The following CLVS1 variants were observed in gnomAD, a reference collection of about 807,000 sequenced individuals.
The protein encoded by CLVS1 is clavesin 1.
CLVS1 carries 10 observed loss-of-function variants against 33.1 expected under a neutral mutation model. The observed-to-expected ratio is 0.30, with a 90% CI of 0.19 to 0.51. The LOEUF (loss-of-function observed/expected upper bound fraction) is 0.51, where lower values mean the gene tolerates loss of function less well. Among genes scored for constraint, CLVS1 ranks in the 20% least tolerant of loss-of-function variants. The probability of loss-of-function intolerance (pLI) is 0.97; values close to 1 mark genes in which losing one functional copy is unlikely to be tolerated. For synonymous variants in CLVS1, 163 were observed against 166.1 expected (o/e 0.98, Z 0.14); for missense variants, 343 against 433.4 (o/e 0.79, Z 1.85).
At chr8:61,325,542 C>G (rs151027186) in intron 2 of CLVS1, among the ~76,000 whole-genome samples, 179 of 152,190 alleles carry the variant, frequency 1.2e-3, no homozygotes, top group African/African-American at 3.6e-3. Context: ...TGCCATGCAC[C>G]ATAAGCCACA....
intron 2 of CLVS1, among the ~76,000 whole-genome samples, chr8:61,252,792 T>G (rs1482806789): frequency 3.9e-5 from 6 of 152,204 alleles, no homozygotes; most frequent in Non-Finnish European, 2.9e-5. Flanking sequence ...CTCCATCCCT[T>G]TATTTTGAGC....
At chr8:61,168,406 T>C (rs1806924846) in intron 2 of CLVS1, among the ~76,000 whole-genome samples, 2 of 152,368 alleles carry the variant, frequency 1.3e-5, no homozygotes, top group East Asian at 1.9e-4. Flanking sequence ...GCTAGACTTA[T>C]GTAAATGGTC....
chr8:61,243,495 A>G lies in CLVS1; in HGVS notation c.-151-56182A>G, dbSNP rs889070005. 1.9e-4 allele frequency among the ~76,000 whole-genome samples: 29 copies of G among 152,084 alleles called. 1 individual carries two copies. The highest frequency in any genetic ancestry group is 7.0e-4 in the African/African-American group (29 of 41,412). Reference sequence around the variant, plus strand: ...CAGCCTGAAATATGCAGGTTTTTCTATTGGGGCTTTAGTTGTCTATCACTG... The same window carrying G: ...CAGCCTGAAATATGCAGGTTTTTCTGTTGGGGCTTTAGTTGTCTATCACTG... On this transcript the variant is annotated intron_variant, in intron 2 of 2. Coordinates refer to the CLVS1 transcript ENST00000522621.
chr8:61,034,890 C>T, the CLVS1 span, among the ~76,000 whole-genome samples: 1 of 152,138 alleles, frequency 6.6e-6, no homozygotes, highest in African/African-American at 2.4e-5. Flanking sequence ...ACAACTTTCC[C>T]GTGTTTCCAG....
chr8:60,967,014 T>A, the CLVS1 span, among the ~76,000 whole-genome samples: 8 of 152,210 alleles, frequency 5.3e-5, no homozygotes, highest in African/African-American at 1.9e-4. Flanking sequence ...AATTCCTATC[T>A]ATGGAAATGG....
chr8:61,287,486 T>C (rs932529298), upstream of CLVS1, among the ~76,000 whole-genome samples: 17 of 152,210 alleles, frequency 1.1e-4, no homozygotes, highest in Non-Finnish European at 2.9e-5. Context: ...CCGATCTTTT[T>C]CTTTTTTATG....
At chr8:61,213,508 G>T (rs140316811) in intron 2 of CLVS1, among the ~76,000 whole-genome samples, 3,836 of 150,462 alleles carry the variant, frequency 0.025, 182 homozygotes, top group African/African-American at 0.09. Context: ...GATTTCATGG[G>T]CATTTATTAG....
At position 61,499,445 on chromosome 8, in the gene CLVS1, C is replaced by A; in HGVS notation, c.978-10C>A. 1.2e-6 allele frequency: 2 copies of A among 1,601,786 alleles called. No homozygotes were observed. Among genetic ancestry groups the A allele is most frequent in the Non-Finnish European group, 8.6e-7 (1 of 1,169,000 alleles). On this transcript the variant is annotated splice_polypyrimidine_tract_variant and intron_variant, in intron 5 of 5. Transcript: ENST00000325897. ...TTGTAATTCTGTCTTTTTCCCTCCCCTCTTGTTAGATCTCAGTCTGTGGTA... is the reference window on the plus strand; with the variant it reads ...TTGTAATTCTGTCTTTTTCCCTCCCATCTTGTTAGATCTCAGTCTGTGGTA...
At chr8:61,107,075 G>C (rs1340984030) in intron 1 of CLVS1, among the ~76,000 whole-genome samples, 1 of 152,162 alleles carries the variant, frequency 6.6e-6, no homozygotes, top group African/African-American at 2.4e-5. Flanking sequence ...GATCCTGATG[G>C]ATTTTAGACA....
At chr8:61,283,594 A>G (rs574370382), upstream of CLVS1, among the ~76,000 whole-genome samples, 3 of 152,304 alleles carry the variant, frequency 2.0e-5, no homozygotes, top group East Asian at 5.8e-4. Context: ...CATTTCCCCC[A>G]CCATGATAGC....
At chr8:61,166,699 C>T (rs1437532784) in intron 2 of CLVS1, among the ~76,000 whole-genome samples, 2 of 152,014 alleles carry the variant, frequency 1.3e-5, no homozygotes, top group Non-Finnish European at 2.9e-5. Context: ...AAACTCTTTC[C>T]TCAGTCTTAC....
At chr8:61,190,885 G>A (rs1426717706) in intron 2 of CLVS1, among the ~76,000 whole-genome samples, 1 of 152,076 alleles carries the variant, frequency 6.6e-6, no homozygotes, top group Non-Finnish European at 1.5e-5. Flanking sequence ...ATAATTAATA[G>A]CTTACCAATC....
intron 2 of CLVS1, among the ~76,000 whole-genome samples, chr8:61,169,867 C>A (rs1214295453): frequency 6.6e-6 from 1 of 152,150 alleles, no homozygotes; most frequent in Non-Finnish European, 1.5e-5. Flanking sequence ...GTTTGTTTAA[C>A]AGACTCAAGT....
intron 1 of CLVS1, among the ~76,000 whole-genome samples, chr8:61,107,221 A>G (rs1375397377): frequency 2.0e-5 from 3 of 152,236 alleles, no homozygotes; most frequent in Non-Finnish European, 4.4e-5. Flanking sequence ...CTGGACAAGA[A>G]CTCATGTCTG....
chr8:61,419,118 G>C (rs183177163), intron 3 of CLVS1, among the ~76,000 whole-genome samples: 3 of 152,160 alleles, frequency 2.0e-5, no homozygotes, highest in Non-Finnish European at 4.4e-5. Flanking sequence ...TCATTTATTG[G>C]CTGGGCGTGG....
the CLVS1 span, among the ~76,000 whole-genome samples, chr8:60,998,852 G>A: frequency 1.3e-5 from 2 of 152,150 alleles, no homozygotes; most frequent in Non-Finnish European, 2.9e-5. Context: ...TGGGCTGCCG[G>A]ACTCTGTCTG....
At chr8:61,317,326 C>A (rs1431579346) in intron 2 of CLVS1, among the ~76,000 whole-genome samples, 1 of 152,176 alleles carries the variant, frequency 6.6e-6, no homozygotes, top group Non-Finnish European at 1.5e-5. Flanking sequence ...GGGGAAGCCA[C>A]TTTTACAATG....
chr8:61,338,754 C>G (rs192794271), intron 2 of CLVS1, among the ~76,000 whole-genome samples: 2 of 152,166 alleles, frequency 1.3e-5, no homozygotes, highest in Non-Finnish European at 2.9e-5. Context: ...ACAAACACGC[C>G]GAGGGACCCC....
intron 2 of CLVS1, among the ~76,000 whole-genome samples, chr8:61,359,732 A>T (rs1007689710): frequency 6.6e-6 from 1 of 152,236 alleles, no homozygotes; most frequent in Admixed American, 6.5e-5. Flanking sequence ...CTAATAGTCA[A>T]CTGGGATCTT....
Sources: gnomAD v4.1 joint callset for allele counts (sites outside exome capture counted in the v4.1 genomes callset) on GRCh38, gnomAD v4.1.1 for gene constraint, MANE v1.5 for transcripts, NCBI Gene and HGNC (gene_info 2026-07-23, HGNC 2026-07-21) for gene names.